Variants in DHRSX observed in about 807,000 individuals in gnomAD.
DHRSX encodes polyprenol dehydrogenase.
In DHRSX, 31 loss-of-function variants were observed where a neutral mutation model predicts 34.0. That is an observed-to-expected ratio of 0.91 (90% CI 0.69 to 1.23). The LOEUF (loss-of-function observed/expected upper bound fraction) is 1.23. DHRSX is among the 50% of genes most tolerant of loss of function. DHRSX has a pLI of 0.00. For synonymous variants in DHRSX, 201 were observed against 183.8 expected (o/e 1.09, Z -0.76); for missense variants, 414 against 428.1 (o/e 0.97, Z 0.29).
At position 2,231,041 on chromosome X, in the gene DHRSX, C is replaced by T. The variant is rs183183616; in HGVS notation, c.805-9812G>A. 5.5e-4 allele frequency among the ~76,000 whole-genome samples: 84 copies of T among 152,200 alleles called. 3 individuals are homozygous for T. In the East Asian group the frequency reaches 0.014, roughly 26 times the overall value. On this transcript the variant is annotated intron_variant, in intron 6 of 6. Transcript: ENST00000334651. ...CTTAGCTTGAGTCACTGGAAGGTCT[C>T]GCACAGAGACCTTCAATCAAAAGCA...
chrX:2,374,504 C>T (rs745554524), intron 3 of DHRSX, among the ~76,000 whole-genome samples: 23,092 of 129,988 alleles, frequency 0.18, 3,641 homozygotes, highest in Non-Finnish European at 0.29. Flanking sequence ...TTTGGGAGGC[C>T]GAGGCAGGCA....
chrX:2,282,597 G>C (rs185911419), intron 4 of DHRSX, among the ~76,000 whole-genome samples: 27 of 109,188 alleles, frequency 2.5e-4, no homozygotes, highest in African/African-American at 8.3e-4. Flanking sequence ...AGAAGAAAGA[G>C]GGGAGAGAGA....
intron 3 of DHRSX, among the ~76,000 whole-genome samples, chrX:2,401,749 T>C (rs988745298): frequency 4.2e-4 from 64 of 152,330 alleles, no homozygotes; most frequent in African/African-American, 1.4e-3. Flanking sequence ...AGACTATTTG[T>C]TCTAAGTAAG....
intron 3 of DHRSX, among the ~76,000 whole-genome samples, chrX:2,377,837 C>G (rs1262811350): frequency 6.6e-6 from 1 of 151,592 alleles, no homozygotes; most frequent in East Asian, 2.0e-4. Flanking sequence ...CTCCCGGGTT[C>G]AAGTGATTCT....
At chrX:2,448,330 CA>C (rs2124673631) in intron 1 of DHRSX, among the ~76,000 whole-genome samples, 1 of 151,736 alleles carries the variant, frequency 6.6e-6, no homozygotes, top group Non-Finnish European at 1.5e-5. Context: ...GAGACTGTCT[CA>C]AAAAAATATA....
At chrX:2,450,359 G>A (rs2044199484) in intron 1 of DHRSX, among the ~76,000 whole-genome samples, 1 of 152,064 alleles carries the variant, frequency 6.6e-6, no homozygotes, top group Admixed American at 6.6e-5. Flanking sequence ...CTACTCAGGA[G>A]GCTGAGACAG....
intron 3 of DHRSX, among the ~76,000 whole-genome samples, chrX:2,392,827 AT>A (rs2043351231): frequency 7.1e-6 from 1 of 141,268 alleles, no homozygotes; most frequent in Admixed American, 7.3e-5. Flanking sequence ...TGACACAAAT[AT>A]AATTTATAGT....
intron 3 of DHRSX, among the ~76,000 whole-genome samples, chrX:2,406,482 C>T (rs1415459051): frequency 2.0e-5 from 3 of 150,918 alleles, no homozygotes; most frequent in Non-Finnish European, 4.4e-5. Flanking sequence ...GCTCTGTCAC[C>T]CAGGCTGGAG....
intron 5 of DHRSX, among the ~76,000 whole-genome samples, chrX:2,260,457 T>G (rs2124453422): frequency 7.3e-6 from 1 of 137,512 alleles, no homozygotes; most frequent in East Asian, 1.9e-4. Flanking sequence ...AATTTTCTAC[T>G]TCATTTTTTT....
intron 3 of DHRSX, among the ~76,000 whole-genome samples, chrX:2,404,796 TAA>T (rs1284594775): frequency 6.6e-6 from 1 of 152,234 alleles, no homozygotes; most frequent in Admixed American, 6.5e-5. Flanking sequence ...CTCGGTCCTT[TAA>T]ATGTTAATCC....
At chrX:2,283,527 T>C (rs185136862) in intron 4 of DHRSX, among the ~76,000 whole-genome samples, 73 of 152,156 alleles carry the variant, frequency 4.8e-4, no homozygotes, top group South Asian at 1.9e-3. Flanking sequence ...CCGAGTCACA[T>C]AGAAAATGCC....
At chrX:2,414,752 A>G (rs180937579) in intron 2 of DHRSX, among the ~76,000 whole-genome samples, 1 of 152,160 alleles carries the variant, frequency 6.6e-6, no homozygotes, top group East Asian at 1.9e-4. Flanking sequence ...AACGAACTAG[A>G]TCTTATCATA....
At chrX:2,234,683 C>T (rs1396173011) in intron 6 of DHRSX, among the ~76,000 whole-genome samples, 3 of 152,162 alleles carry the variant, frequency 2.0e-5, no homozygotes, top group African/African-American at 7.2e-5. Context: ...TGGACAAACA[C>T]TGCACGTTTC....
intron 3 of DHRSX, among the ~76,000 whole-genome samples, chrX:2,395,136 G>A (rs950040190): frequency 5.9e-5 from 9 of 152,110 alleles, no homozygotes; most frequent in Admixed American, 3.9e-4. Context: ...TCACAGGGCT[G>A]GCTCAACCCT....
chrX:2,420,234 C>T (rs2043760239), intron 2 of DHRSX, among the ~76,000 whole-genome samples: 1 of 151,106 alleles, frequency 6.6e-6, no homozygotes, highest in Non-Finnish European at 1.5e-5. Flanking sequence ...TGGTGAAACC[C>T]CCCCTCTACT....
At chrX:2,292,698 T>C (rs142480086) in intron 3 of DHRSX, among the ~76,000 whole-genome samples, 7 of 152,180 alleles carry the variant, frequency 4.6e-5, no homozygotes, top group African/African-American at 1.7e-4. Flanking sequence ...TTACAGGGCA[T>C]ATGTAACTAA....
chrX:2,390,827 T>A (rs1641971653), intron 3 of DHRSX, among the ~76,000 whole-genome samples: 1 of 152,200 alleles, frequency 6.6e-6, no homozygotes, highest in South Asian at 2.1e-4. Context: ...CCTTCCTTTT[T>A]TATGGCTGTG....
At chrX:2,448,900 C>T (rs964735335) in intron 1 of DHRSX, among the ~76,000 whole-genome samples, 12 of 152,072 alleles carry the variant, frequency 7.9e-5, no homozygotes, top group African/African-American at 2.9e-4. Flanking sequence ...AAGGTGTATC[C>T]ACACTGGGCC....
intron 1 of DHRSX, among the ~76,000 whole-genome samples, chrX:2,481,333 A>G (rs1402951916): frequency 6.6e-6 from 1 of 152,140 alleles, no homozygotes; most frequent in Admixed American, 6.5e-5. Context: ...AAGGGGCTCC[A>G]AGTTTCCAAG....
Sources: gnomAD v4.1 joint callset for allele counts (sites outside exome capture counted in the v4.1 genomes callset) on GRCh38, gnomAD v4.1.1 for gene constraint, MANE v1.5 for transcripts, NCBI Gene and HGNC (gene_info 2026-07-23, HGNC 2026-07-21) for gene names.